Variants in SLF1 observed in about 807,000 individuals in gnomAD.
SLF1 encodes the protein SMC5/6 complex localization factor 1.
A neutral mutation model predicts 123.0 loss-of-function variants in SLF1; 105 were observed. The observed-to-expected ratio is 0.85, with a 90% confidence interval of 0.73 to 1.00. SLF1 has a LOEUF of 1.00. SLF1 is among the 50% of genes least tolerant of loss of function. The pLI is 0.00. For synonymous variants in SLF1, 434 were observed against 406.6 expected, an observed-to-expected ratio of 1.07 and a Z score of -0.81; for missense variants, 1,239 against 1,223.0, an observed-to-expected ratio of 1.01 and a Z score of -0.20.
At chr5:94,659,419 G>C (rs1748805345) in intron 9 of SLF1, among the ~76,000 whole-genome samples, 1 of 151,896 alleles carries the variant, frequency 6.6e-6, no homozygotes, top group Non-Finnish European at 1.5e-5. Context: ...CACCTTTCTT[G>C]CATAGTTATG....
intron 14 of SLF1, chr5:94,678,519 T>A: frequency 5.0e-6 from 1 of 199,700 alleles, no homozygotes. Context: ...TTAATGGAAT[T>A]ATTTCCTAAC....
At chr5:94,676,581 CCACT>C (rs1183521339) in intron 14 of SLF1, among the ~76,000 whole-genome samples, 1 of 152,224 alleles carries the variant, frequency 6.6e-6, no homozygotes, top group African/African-American at 2.4e-5. Flanking sequence ...AAGAAGTACA[CCACT>C]TTCTTAATCA....
chr5:94,622,784 A>C (rs1156883121), intron 1 of SLF1, among the ~76,000 whole-genome samples: 1 of 152,070 alleles, frequency 6.6e-6, no homozygotes, highest in African/African-American at 2.4e-5. Flanking sequence ...TAATGATACC[A>C]TACAATTTAT....
intron 20 of SLF1, among the ~76,000 whole-genome samples, chr5:94,694,181 C>G (rs1753336995): frequency 6.6e-6 from 1 of 151,848 alleles, no homozygotes. Flanking sequence ...TCCACATCAT[C>G]CTTTAGTACT....
intron 9 of SLF1, among the ~76,000 whole-genome samples, chr5:94,661,868 C>G (rs948957172): frequency 1.3e-5 from 2 of 151,994 alleles, no homozygotes; most frequent in African/African-American, 4.8e-5. Flanking sequence ...ATATTTGTTG[C>G]AGATATTTTT....
chr5:94,662,986 A>AT (rs2152486324), intron 10 of SLF1, among the ~76,000 whole-genome samples: 1 of 152,318 alleles, frequency 6.6e-6, no homozygotes, highest in African/African-American at 2.4e-5. Context: ...CCTCAGAGTG[A>AT]TTTTATGATT....
Position 94,695,056 on chromosome 5 carries a change from C to T in SLF1, c.2921C>T (p.Ser974Leu). The T allele has an allele frequency of 1.9e-6, 3 of 1,612,412 alleles. No individual in the cohort carries two copies. Among genetic ancestry groups the T allele is most frequent in the Non-Finnish European group, 2.5e-6 (3 of 1,179,092 alleles). ...TTTTGTTCAATTTTTGATTTATCTTCAGAGTTCATTTTAGCTTCCAAAGGG... is the reference window on the plus strand; with the variant it reads ...TTTTGTTCAATTTTTGATTTATCTTTAGAGTTCATTTTAGCTTCCAAAGGG... ...LNFCSIFDLSSEFILASKGLT... is the reference protein window; with the variant it reads ...LNFCSIFDLSLEFILASKGLT... The change falls in exon 21 of 21, where the codon TCA (serine) becomes TTA (leucine). Residue 974 changes from serine to leucine, a missense_variant. Transcript: ENST00000265140.
chr5:94,654,165 C>T (rs1748095946), intron 8 of SLF1, among the ~76,000 whole-genome samples: 2 of 151,780 alleles, frequency 1.3e-5, no homozygotes, highest in African/African-American at 4.8e-5. Flanking sequence ...AGTAAGACCC[C>T]ATCTCAAAAA....
In SLF1 at chr5:94,670,299, A is replaced by AT; in HGVS notation, c.1661+21dup. On this transcript the variant is annotated intron_variant, in intron 13 of 20. Coordinates refer to ENST00000265140, the MANE Select transcript of SLF1 (RefSeq NM_032290.4). Reference sequence around the variant, plus strand: ...TCAAAAGTAAGTTCTAATCGCAAGAATAACACTTTTCTAAATTTTGGTTGT... The same window carrying AT: ...TCAAAAGTAAGTTCTAATCGCAAGAATTAACACTTTTCTAAATTTTGGTTGT... 3 of 1,430,150 alleles carry AT rather than the reference A, an allele frequency of 2.1e-6. No individual in the cohort carries two copies. Among genetic ancestry groups the AT allele is most frequent in the Non-Finnish European group, 2.7e-6 (3 of 1,095,974 alleles). 88.6% of individuals were successfully genotyped at this position (1,430,150 alleles called of 1,614,324 possible).
chr5:94,693,035 A>C (rs780790047), intron 20 of SLF1, among the ~76,000 whole-genome samples: 1 of 152,172 alleles, frequency 6.6e-6, no homozygotes, highest in African/African-American at 2.4e-5. Context: ...TGTAGAAATT[A>C]CTTGTCGTTT....
chr5:94,628,622 T>C (rs191675989), intron 1 of SLF1, among the ~76,000 whole-genome samples, 189 bp from the exon 2 acceptor site: 360 of 152,338 alleles, frequency 2.4e-3, no homozygotes, highest in African/African-American at 8.5e-3. Flanking sequence ...TTTGAGAAGA[T>C]AACTTTTAAA....
intron 14 of SLF1, among the ~76,000 whole-genome samples, chr5:94,672,731 T>C (rs2152490937): frequency 6.6e-6 from 1 of 152,324 alleles, no homozygotes; most frequent in South Asian, 2.1e-4. Flanking sequence ...GTCTTTAACA[T>C]GGCAATGACA....
intron 15 of SLF1, among the ~76,000 whole-genome samples, chr5:94,686,271 T>A (rs1403981373): frequency 6.6e-6 from 1 of 152,256 alleles, no homozygotes; most frequent in East Asian, 1.9e-4. Context: ...ATAAATAAAA[T>A]CCCCTCTATA....
chr5:94,629,283 TA>T (rs1322717672), intron 3 of SLF1, 116 bp downstream of exon 3: 4 of 710,104 alleles, frequency 5.6e-6, no homozygotes, highest in Non-Finnish European at 8.3e-6. Flanking sequence ...GTTTTTCTGA[TA>T]TTTTTTGAAA....
At chr5:94,661,025 C>T (rs977061841) in intron 9 of SLF1, among the ~76,000 whole-genome samples, 4 of 152,198 alleles carry the variant, frequency 2.6e-5, no homozygotes, top group African/African-American at 2.4e-5. Flanking sequence ...AGTGGGGCTC[C>T]GGGCTTAGGC....
chr5:94,661,832 C>T (rs1749160495), intron 9 of SLF1, among the ~76,000 whole-genome samples: 1 of 152,150 alleles, frequency 6.6e-6, no homozygotes, highest in Non-Finnish European at 1.5e-5. Flanking sequence ...CCACAGCGCC[C>T]AGCCTCAGGG....
At chr5:94,678,680 T>C in intron 14 of SLF1, 128 bp from the exon 15 acceptor site, 2 of 770,684 alleles carry the variant, frequency 2.6e-6, no homozygotes, top group Non-Finnish European at 4.0e-6. Flanking sequence ...TAAGAATACC[T>C]TTAATCATTA....
At chr5:94,657,511 T>G (rs1455346122) in intron 9 of SLF1, among the ~76,000 whole-genome samples, 1 of 152,104 alleles carries the variant, frequency 6.6e-6, no homozygotes. Flanking sequence ...ATGTGTATTC[T>G]GAAGCTGTTA....
chr5:94,663,920 C>T lies in SLF1; in HGVS notation c.1368+12C>T, dbSNP rs1447902669. Reference sequence around the variant, plus strand: ...AGAACGTTCTACAGGTAAGAGCAGCCTTAAGGATTTATAATCTTTTTTTCA... The same window carrying T: ...AGAACGTTCTACAGGTAAGAGCAGCTTTAAGGATTTATAATCTTTTTTTCA... On this transcript the variant is annotated intron_variant, in intron 11 of 20. Transcript: ENST00000265140. The T allele has an allele frequency of 1.4e-5, 21 of 1,469,766 alleles. No homozygotes were observed. Among genetic ancestry groups the T allele is most frequent in the African/African-American group, 2.9e-5 (2 of 69,190 alleles). The allele number at this position is 1,469,766 out of a possible 1,614,324, so 91.0% of individuals were successfully genotyped here. A position where few individuals can be genotyped will look rare whatever the true frequency, so the allele number is the denominator to read the frequency against.
Sources: gnomAD v4.1 joint callset for allele counts (sites outside exome capture counted in the v4.1 genomes callset) on GRCh38, gnomAD v4.1.1 for gene constraint, MANE v1.5 for transcripts, NCBI Gene and HGNC (gene_info 2026-07-23, HGNC 2026-07-21) for gene names.